Variants in FBXO32 observed in about 807,000 individuals in gnomAD.
The protein encoded by FBXO32 is F-box protein 32, also known as F-box only protein 32.
In FBXO32, 15 loss-of-function variants were observed where a neutral mutation model predicts 48.3. That is an observed-to-expected ratio of 0.31 (90% CI 0.21 to 0.48). The LOEUF is 0.48. FBXO32 is among the 20% of genes least tolerant of loss of function. The pLI is 0.99. For missense variants in FBXO32, 309 were observed against 432.7 expected (o/e 0.71, Z 2.54); for synonymous variants, 154 against 165.9 (o/e 0.93, Z 0.55).
chr8:123,522,302 G>T (rs1011264423), intron 4 of FBXO32, among the ~76,000 whole-genome samples: 1 of 147,794 alleles, frequency 6.8e-6, no homozygotes, highest in Admixed American at 6.9e-5. Flanking sequence ...TCTGCCTTTT[G>T]GGTTCAAATG....
intron 4 of FBXO32, among the ~76,000 whole-genome samples, chr8:123,523,629 A>C (rs907553992): frequency 6.0e-5 from 9 of 150,784 alleles, no homozygotes; most frequent in Non-Finnish European, 1.2e-4. Flanking sequence ...ACAACAACAA[A>C]CAAACAAAAA....
At chr8:123,515,022 G>A (rs76938009) in intron 4 of FBXO32, among the ~76,000 whole-genome samples, 4,552 of 152,226 alleles carry the variant, frequency 0.03, 100 homozygotes, top group Non-Finnish European at 0.047. Flanking sequence ...TATTAGCTCC[G>A]TGATGATGGG....
chr8:123,504,845 C>G, intron 7 of FBXO32, 98 bp from the exon 8 acceptor site: 2 of 1,189,994 alleles, frequency 1.7e-6, no homozygotes, highest in Admixed American at 2.2e-5. Context: ...CACCCTTTCC[C>G]CCTCTTTTCA....
chr8:123,533,595 G>A (rs913844220), intron 2 of FBXO32, among the ~76,000 whole-genome samples: 3 of 152,184 alleles, frequency 2.0e-5, no homozygotes, highest in African/African-American at 7.2e-5. Flanking sequence ...ATCACTAGAG[G>A]TCAGGAGTTC....
At position 123,506,751 on chromosome 8, in the gene FBXO32, A is replaced by G; in HGVS notation, c.652-177T>C. On this transcript the variant is annotated intron_variant, in intron 6 of 8. Coordinates refer to ENST00000517956, the MANE Select transcript of FBXO32 (RefSeq NM_058229.4). The surrounding 1 kb of genome is among the most constrained non-coding windows in gnomAD (Gnocchi z 4.0). ...ATGCAGACAGGAGACCATGGCCATG[A>G]CCCTCAATGAAGTGTGGAGTGCGCT... 1.7e-6 allele frequency: 1 copy of G among 604,648 alleles called. No homozygotes were observed. Among genetic ancestry groups the G allele is most frequent in the Non-Finnish European group, 3.0e-6 (1 of 336,728 alleles). 37.5% of individuals were successfully genotyped at this position (604,648 alleles called of 1,614,324 possible). A position where few individuals can be genotyped will look rare whatever the true frequency, so the allele number is the denominator to read the frequency against.
At position 123,528,303 on chromosome 8, in the gene FBXO32, A is replaced by C. The variant is rs542527996; in HGVS notation, c.372+3595T>G. ...CTGGTTGACTTGATGCCCAAGACTC[A>C]CTCGATCCTCTGACCTCTCTGTGGC... is the stretch of plus-strand genomic sequence containing the variant. On this transcript the variant is annotated intron_variant, in intron 4 of 8. Transcript: ENST00000517956. 2.0e-5 allele frequency among the ~76,000 whole-genome samples: 3 copies of C among 152,086 alleles called. No homozygotes were observed. In the East Asian group the frequency reaches 5.8e-4, roughly 29 times the overall value.
At position 123,522,877 on chromosome 8, in the gene FBXO32, A is replaced by G. The variant is rs80262687; in HGVS notation, c.373-8544T>C. 6.9e-3 allele frequency among the ~76,000 whole-genome samples: 1,050 copies of G among 152,302 alleles called. 11 individuals carry two copies. The highest frequency in any genetic ancestry group is 0.025 in the African/African-American group (1,019 of 41,556). ...TGTACTAATTCAACTTGCCATTTGA[A>G]TAGTTATACTTTGTCCCCCAGAGTA... On this transcript the variant is annotated intron_variant, in intron 4 of 8. Coordinates refer to ENST00000517956, the MANE Select transcript of FBXO32 (RefSeq NM_058229.4).
chr8:123,516,628 G>C (rs1246966251), intron 4 of FBXO32, among the ~76,000 whole-genome samples: 2 of 152,166 alleles, frequency 1.3e-5, no homozygotes, highest in African/African-American at 4.8e-5. Flanking sequence ...TCCCCGTGGA[G>C]CTCTTTAGGA....
rs1817388418 is a variant in FBXO32 at position 123,540,427 on chromosome 8, G to A, written c.116+472C>T. 1.3e-5 allele frequency among the ~76,000 whole-genome samples: 2 copies of A among 152,240 alleles called. No homozygotes were observed. On this transcript the variant is annotated intron_variant, in intron 1 of 8. Coordinates refer to ENST00000517956, the MANE Select transcript of FBXO32 (RefSeq NM_058229.4). This position sits in a 1 kb window ranked among gnomAD's most constrained non-coding sequence, Gnocchi z 6.4. ...CAGGGCCTGGAAGCGCTCCAGGCGG[G>A]ACCTTCGTCGGATCCCGTCACCTGT...
At chr8:123,510,972 G>A (rs1816723333) in intron 6 of FBXO32, among the ~76,000 whole-genome samples, 1 of 152,252 alleles carries the variant, frequency 6.6e-6, no homozygotes, top group Non-Finnish European at 1.5e-5. Flanking sequence ...CTGAGGCAGG[G>A]CCAAGCTTGG....
rs1339834063 is a variant in FBXO32 at position 123,540,525 on chromosome 8, C to T, written c.116+374G>A. Among the ~76,000 whole-genome samples, 1 of 152,224 alleles carries T rather than the reference C, an allele frequency of 6.6e-6. No individual in the cohort carries two copies. Among genetic ancestry groups the T allele is most frequent in the Non-Finnish European group, 1.5e-5 (1 of 68,042 alleles). ...AGGGGCTCAGCCCACCCGCCCGCGC[C>T]CCCACATGGGCAAAGTGCGCGACTC... On this transcript the variant is annotated intron_variant, in intron 1 of 8. Transcript: ENST00000517956. This position sits in a 1 kb window ranked among gnomAD's most constrained non-coding sequence, Gnocchi z 6.4.
rs1157828317 is a variant in FBXO32 at position 123,506,047 on chromosome 8, G to C, written c.834+345C>G. 6.6e-6 allele frequency among the ~76,000 whole-genome samples: 1 copy of C among 151,868 alleles called. No homozygotes were observed. Among genetic ancestry groups the C allele is most frequent in the African/African-American group, 2.4e-5 (1 of 41,330 alleles). Reference sequence around the variant, plus strand: ...GAGGTCAGCCTGGGCAACATAGAGAGACCCTATTTCTACAAAAACAATAAT... The same window carrying C: ...GAGGTCAGCCTGGGCAACATAGAGACACCCTATTTCTACAAAAACAATAAT... On this transcript the variant is annotated intron_variant, in intron 7 of 8. Transcript: ENST00000517956. This position sits in a 1 kb window ranked among gnomAD's most constrained non-coding sequence, Gnocchi z 4.0.
rs1025616190 is a variant in FBXO32 at position 123,506,293 on chromosome 8, G to C, written c.834+99C>G. On this transcript the variant is annotated intron_variant, in intron 7 of 8. Transcript: ENST00000517956. This position sits in a 1 kb window ranked among gnomAD's most constrained non-coding sequence, Gnocchi z 4.0. ...CAGTCAAACCAGGGAACCTGGAATA[G>C]GGGGAACCCAGACCTCAGGCTTGAG... 7.5e-7 allele frequency: 1 copy of C among 1,332,138 alleles called. No individual in the cohort carries two copies. Among genetic ancestry groups the C allele is most frequent in the East Asian group, 2.5e-5 (1 of 40,794 alleles). The allele number at this position is 1,332,138 out of a possible 1,614,324, so 82.5% of individuals were successfully genotyped here. A position where few individuals can be genotyped will look rare whatever the true frequency, so the allele number is the denominator to read the frequency against.
intron 1 of FBXO32, among the ~76,000 whole-genome samples, chr8:123,535,431 A>G (rs1227871441): frequency 1.3e-5 from 2 of 152,232 alleles, no homozygotes; most frequent in Non-Finnish European, 2.9e-5. Context: ...CCAGTTGCTT[A>G]GGTTTTATGT....
At chr8:123,512,889 ATC>A (rs1816763263) in intron 6 of FBXO32, among the ~76,000 whole-genome samples, 1 of 152,182 alleles carries the variant, frequency 6.6e-6, no homozygotes, top group Non-Finnish European at 1.5e-5. Flanking sequence ...GCAAAGAGAC[ATC>A]TCTGAACCCC....
rs773905155 is a variant in FBXO32 at position 123,514,228 on chromosome 8, G to C, written c.466+12C>G. ...CCTATAAAAAGGGGCGAGAGAGTGA[G>C]AGAAGGCTCACCTTTCAGTACCACT... is the stretch of plus-strand genomic sequence containing the variant. On this transcript the variant is annotated intron_variant, in intron 5 of 8. Coordinates refer to ENST00000517956, the MANE Select transcript of FBXO32 (RefSeq NM_058229.4). 3 of 1,607,078 alleles carry C rather than the reference G, an allele frequency of 1.9e-6. No individual in the cohort carries two copies. The highest frequency in any genetic ancestry group is 2.2e-5 in the South Asian group (2 of 89,794).
At position 123,514,298 on chromosome 8, in the gene FBXO32, G is replaced by A. The variant is rs138624201; in HGVS notation, c.408C>T (p.Ser136=). The A allele has an allele frequency of 5.6e-6, 9 of 1,612,920 alleles. No homozygotes were observed. In the Admixed American group the frequency reaches 1.3e-4, roughly 24 times the overall value. The change falls in exon 5 of 9, where the codon TCC becomes TCT. Residue 136 remains serine, a synonymous_variant. Transcript: ENST00000517956. ...LELIAKSQLT[S]LSGIAQKNFM... ...AGTTCTTTTGGGCGATGCCACTCAGGGATGTGAGCTGTGACTTTGCTATCA... is the reference window on the plus strand; with the variant it reads ...AGTTCTTTTGGGCGATGCCACTCAGAGATGTGAGCTGTGACTTTGCTATCA...
At position 123,506,827 on chromosome 8, in the gene FBXO32, T is replaced by C. The variant is rs1245142180; in HGVS notation, c.652-253A>G. ...CCCTACATTTCCAAAGCTTGAAACT[T>C]TCACTCTTAAAGACTCTCCAAATAG... is the stretch of plus-strand genomic sequence containing the variant. On this transcript the variant is annotated intron_variant, in intron 6 of 8. Coordinates refer to ENST00000517956, the MANE Select transcript of FBXO32 (RefSeq NM_058229.4). The surrounding 1 kb of genome is among the most constrained non-coding windows in gnomAD (Gnocchi z 4.0). Among the ~76,000 whole-genome samples the C allele has an allele frequency of 6.6e-6, 1 of 152,184 alleles. No individual in the cohort carries two copies. Among genetic ancestry groups the C allele is most frequent in the African/African-American group, 2.4e-5 (1 of 41,452 alleles).
At chr8:123,539,864 T>C (rs1224804512) in intron 1 of FBXO32, among the ~76,000 whole-genome samples, 1 of 152,190 alleles carries the variant, frequency 6.6e-6, no homozygotes, top group Non-Finnish European at 1.5e-5. Flanking sequence ...AGGAAAAGGC[T>C]CCCAAGGGTG....
Sources: allele counts gnomAD v4.1 joint callset (sites outside exome capture counted in the v4.1 genomes callset), GRCh38; gene constraint gnomAD v4.1.1; non-coding constraint Gnocchi (gnomAD v3.1); transcripts MANE v1.5; gene names NCBI Gene and HGNC (gene_info 2026-07-23, HGNC 2026-07-21).